The following MAN1A1 variants were observed in gnomAD, a reference collection of about 807,000 sequenced individuals.
The protein encoded by MAN1A1 is mannosidase alpha class 1A member 1, also known as mannosyl-oligosaccharide 1,2-alpha-mannosidase IA.
Under a neutral mutation model 70.8 loss-of-function variants are expected in MAN1A1, and 29 were observed. The observed-to-expected ratio is 0.41, with a 90% CI of 0.31 to 0.56. The LOEUF is 0.56. Ranked by LOEUF, MAN1A1 falls within the 20% of genes least tolerant of loss-of-function variation. The pLI, the probability that MAN1A1 is intolerant of heterozygous loss-of-function variation, is 0.29. For synonymous variants in MAN1A1, 349 were observed against 330.1 expected, an observed-to-expected ratio of 1.06 and a Z score of -0.62; for missense variants, 747 against 841.3, an observed-to-expected ratio of 0.89 and a Z score of 1.39.
At chr6:119,276,200 T>C (rs1486023773) in intron 5 of MAN1A1, among the ~76,000 whole-genome samples, 1 of 152,198 alleles carries the variant, frequency 6.6e-6, no homozygotes, top group Non-Finnish European at 1.5e-5. Context: ...TGGCCTAAAG[T>C]AGTCCTCATC....
At chr6:119,268,120 G>A (rs2114368845) in intron 5 of MAN1A1, among the ~76,000 whole-genome samples, 1 of 152,278 alleles carries the variant, frequency 6.6e-6, no homozygotes, top group Admixed American at 6.5e-5. Context: ...TTCATCAGGA[G>A]TTGTAAAAAT....
chr6:119,268,006 C>T (rs56926474), intron 5 of MAN1A1, among the ~76,000 whole-genome samples: 2 of 152,054 alleles, frequency 1.3e-5, no homozygotes, highest in African/African-American at 2.4e-5. Flanking sequence ...AGACTTGATG[C>T]CTTTGGCAAG....
chr6:119,257,505 G>A (rs1446896894), intron 5 of MAN1A1, among the ~76,000 whole-genome samples: 2 of 151,752 alleles, frequency 1.3e-5, no homozygotes, highest in Non-Finnish European at 2.9e-5. Context: ...ATATATGAAC[G>A]ACAACATCAA....
intron 2 of MAN1A1, among the ~76,000 whole-genome samples, chr6:119,307,788 C>G (rs1391546986): frequency 6.6e-6 from 1 of 152,110 alleles, no homozygotes; most frequent in South Asian, 2.1e-4. Context: ...CTGTCTAGAA[C>G]TCAGTAATCA....
rs1218009325 is a variant in MAN1A1 at position 119,179,126 on chromosome 6, T to G, written c.*693A>C. The G allele has an allele frequency of 6.6e-6, 1 of 152,178 alleles. No individual in the cohort carries two copies. Among genetic ancestry groups the G allele is most frequent in the East Asian group, 1.9e-4 (1 of 5,200 alleles). 9.4% of individuals were successfully genotyped at this position (152,178 alleles called of 1,614,324 possible). The stretch of plus-strand genomic sequence containing the variant: ...TAATCCAGAAATGACACAGGGCATT[T>G]AAAGTAAAATTAAAGGACACATTTA... On this transcript the variant is annotated 3_prime_UTR_variant, in exon 13 of 13. Coordinates refer to ENST00000368468, the MANE Select transcript of MAN1A1 (RefSeq NM_005907.4).
At chr6:119,192,552 G>C (rs1426500671) in intron 9 of MAN1A1, among the ~76,000 whole-genome samples, 2 of 152,042 alleles carry the variant, frequency 1.3e-5, no homozygotes, top group East Asian at 1.9e-4. Context: ...AAATAACCCA[G>C]ACCTCTTGTT....
chr6:119,273,577 T>A (rs891770917), intron 5 of MAN1A1, among the ~76,000 whole-genome samples: 3 of 152,212 alleles, frequency 2.0e-5, no homozygotes, highest in African/African-American at 7.2e-5. Flanking sequence ...GCTTCTGGCA[T>A]AATATAATTA....
chr6:119,309,164 A>G (rs987549563), intron 2 of MAN1A1, among the ~76,000 whole-genome samples: 1 of 152,232 alleles, frequency 6.6e-6, no homozygotes, highest in Non-Finnish European at 1.5e-5. Context: ...AATTATAAAG[A>G]GGAACAGTCA....
chr6:119,324,433 C>T (rs184046015), intron 2 of MAN1A1, among the ~76,000 whole-genome samples: 71 of 152,174 alleles, frequency 4.7e-4, no homozygotes, highest in African/African-American at 1.6e-3. Flanking sequence ...GAAAGTTATA[C>T]GCAGGTTTTC....
intron 5 of MAN1A1, among the ~76,000 whole-genome samples, chr6:119,255,352 C>T (rs1448057689): frequency 6.6e-6 from 1 of 152,204 alleles, no homozygotes; most frequent in African/African-American, 2.4e-5. Flanking sequence ...ATTTTCACTA[C>T]ATAAAGCTTT....
chr6:119,187,092 T>C (rs1773312804), intron 11 of MAN1A1, among the ~76,000 whole-genome samples: 1 of 152,230 alleles, frequency 6.6e-6, no homozygotes, highest in African/African-American at 2.4e-5. Flanking sequence ...AATACGAATT[T>C]GCTTACTTCC....
At chr6:119,337,424 C>T (rs1341242992) in intron 2 of MAN1A1, among the ~76,000 whole-genome samples, 3 of 152,202 alleles carry the variant, frequency 2.0e-5, no homozygotes, top group Non-Finnish European at 4.4e-5. Flanking sequence ...TTTCAAAGAG[C>T]ATATTCATTC....
At chr6:119,300,336 A>G (rs1434409402) in intron 4 of MAN1A1, among the ~76,000 whole-genome samples, 2 of 151,762 alleles carry the variant, frequency 1.3e-5, no homozygotes, top group Non-Finnish European at 2.9e-5. Context: ...GCTCACTGCA[A>G]CATCCGCCTC....
intron 3 of MAN1A1, among the ~76,000 whole-genome samples, chr6:119,303,837 C>A (rs922106763): frequency 1.3e-5 from 2 of 152,166 alleles, no homozygotes; most frequent in African/African-American, 4.8e-5. Flanking sequence ...CAGTCCAAGT[C>A]CCATTTTTAA....
At position 119,262,626 on chromosome 6, in the gene MAN1A1, T is replaced by C. The variant is rs558816573; in HGVS notation, c.898-14272A>G. Among the ~76,000 whole-genome samples the C allele has an allele frequency of 2.0e-5, 3 of 152,324 alleles. No homozygotes were observed. In the East Asian group the frequency reaches 5.8e-4, roughly 29 times the overall value. ...ACCACTCAACCCAGCAATCCCAGTA[T>C]TGGGTATATACCCAAAGGAATATAA... On this transcript the variant is annotated intron_variant, in intron 5 of 12. Transcript: ENST00000368468.
At chr6:119,195,370 C>G (rs1773541083) in intron 8 of MAN1A1, among the ~76,000 whole-genome samples, 1 of 152,174 alleles carries the variant, frequency 6.6e-6, no homozygotes, top group Admixed American at 6.5e-5. Flanking sequence ...TCATCTCAGG[C>G]AGGGCTTCTA....
chr6:119,257,066 G>C (rs565016860), intron 5 of MAN1A1, among the ~76,000 whole-genome samples: 1 of 152,318 alleles, frequency 6.6e-6, no homozygotes, highest in South Asian at 2.1e-4. Context: ...TCTAGGGGGA[G>C]AGGTAAGGTT....
At chr6:119,203,245 C>T (rs1042784950) in intron 7 of MAN1A1, among the ~76,000 whole-genome samples, 16 of 152,130 alleles carry the variant, frequency 1.1e-4, no homozygotes, top group African/African-American at 3.6e-4. Flanking sequence ...GAGGCTATCC[C>T]ATGTTAGTCA....
intron 6 of MAN1A1, among the ~76,000 whole-genome samples, chr6:119,212,437 T>A (rs17442238): frequency 6.6e-6 from 1 of 152,194 alleles, no homozygotes; most frequent in East Asian, 1.9e-4. Flanking sequence ...GGATGCATCT[T>A]GCCAAACTCA....
Sources: gnomAD v4.1 joint callset for allele counts (sites outside exome capture counted in the v4.1 genomes callset) on GRCh38, gnomAD v4.1.1 for gene constraint, MANE v1.5 for transcripts, NCBI Gene and HGNC (gene_info 2026-07-23, HGNC 2026-07-21) for gene names.